Variants in PDE8B observed in about 807,000 individuals in gnomAD.
PDE8B encodes the protein phosphodiesterase 8B, also known as high affinity cAMP-specific and IBMX-insensitive 3',5'-cyclic phosphodiesterase 8B.
PDE8B carries 26 observed loss-of-function variants against 101.3 expected under a neutral mutation model. The observed-to-expected ratio is 0.26, with a 90% confidence interval of 0.19 to 0.36. PDE8B has a LOEUF of 0.36. PDE8B is among the 10% of genes least tolerant of loss of function. The probability of loss-of-function intolerance (pLI) is 1.00; values close to 1 mark genes in which losing one functional copy is unlikely to be tolerated. For missense variants in PDE8B, 810 were observed against 1,163.1 expected, an observed-to-expected ratio of 0.70 and a Z score of 4.42; for synonymous variants, 424 against 429.3, an observed-to-expected ratio of 0.99 and a Z score of 0.15.
intron 1 of PDE8B, among the ~76,000 whole-genome samples, chr5:77,310,786 A>G (rs747886989): frequency 6.6e-6 from 1 of 152,110 alleles, no homozygotes; most frequent in Non-Finnish European, 1.5e-5. Flanking sequence ...AGCGCCCTGC[A>G]TGAGTTCTTT....
At chr5:77,370,928 T>G (rs1396966689) in intron 10 of PDE8B, among the ~76,000 whole-genome samples, 1 of 152,206 alleles carries the variant, frequency 6.6e-6, no homozygotes, top group Non-Finnish European at 1.5e-5. Context: ...CTATTGGTCT[T>G]TTTTAAATGT....
chr5:77,091,725 T>A, the PDE8B span, among the ~76,000 whole-genome samples: 1 of 152,214 alleles, frequency 6.6e-6, no homozygotes, highest in African/African-American at 2.4e-5. Flanking sequence ...CTCTAATTCA[T>A]GTTTCAATAT....
chr5:77,261,434 G>A (rs1339479710), intron 1 of PDE8B, among the ~76,000 whole-genome samples: 1 of 152,216 alleles, frequency 6.6e-6, no homozygotes, highest in African/African-American at 2.4e-5. Context: ...TTGCTTGACA[G>A]CAGTTGAAGA....
chr5:77,225,695 T>C (rs2149456767), intron 1 of PDE8B, among the ~76,000 whole-genome samples: 1 of 152,186 alleles, frequency 6.6e-6, no homozygotes, highest in East Asian at 1.9e-4. Context: ...GTACCGTGAG[T>C]GTATACTTAT....
At chr5:77,149,402 C>T in the PDE8B span, among the ~76,000 whole-genome samples, 125 of 152,216 alleles carry the variant, frequency 8.2e-4, 1 homozygote, top group African/African-American at 2.7e-3. Flanking sequence ...TACAAAAATG[C>T]TTGCTGGAGT....
At chr5:77,412,437 G>A (rs1561675839) in intron 16 of PDE8B, among the ~76,000 whole-genome samples, 1 of 152,170 alleles carries the variant, frequency 6.6e-6, no homozygotes, top group Admixed American at 6.5e-5. Flanking sequence ...TTAGTAAGAT[G>A]TGGGATCTGC....
intron 20 of PDE8B, among the ~76,000 whole-genome samples, chr5:77,422,699 G>A (rs1298255490): frequency 6.6e-6 from 1 of 151,804 alleles, no homozygotes; most frequent in Non-Finnish European, 1.5e-5. Flanking sequence ...CCTACTTCCA[G>A]AGAAGAGACT....
chr5:77,146,642 G>A, the PDE8B span: 5 of 280,824 alleles, frequency 1.8e-5, no homozygotes, highest in Non-Finnish European at 2.8e-5. Context: ...TTGTCAGGAG[G>A]CGCATAAGAA....
chr5:77,141,898 T>G, the PDE8B span: 8 of 152,186 alleles, frequency 5.3e-5, no homozygotes, highest in African/African-American at 1.9e-4. Flanking sequence ...AGGATATGAA[T>G]TGTTATAATG....
chr5:77,285,526 C>T (rs930571432), intron 1 of PDE8B, among the ~76,000 whole-genome samples: 3 of 152,026 alleles, frequency 2.0e-5, no homozygotes, highest in Non-Finnish European at 4.4e-5. Flanking sequence ...TTTCTCGGGC[C>T]GCTTTTGTCT....
At chr5:77,165,208 C>T in the PDE8B span, among the ~76,000 whole-genome samples, 1 of 152,054 alleles carries the variant, frequency 6.6e-6, no homozygotes, top group Non-Finnish European at 1.5e-5. Context: ...TAAGAGAAAG[C>T]GTAATAAAAT....
chr5:77,210,698 G>T lies in PDE8B; in HGVS notation c.-228G>T. On this transcript the variant is annotated 5_prime_UTR_variant, in exon 1 of 22. Coordinates refer to ENST00000264917, the MANE Select transcript of PDE8B (RefSeq NM_003719.5). This position sits in a 1 kb window ranked among gnomAD's most constrained non-coding sequence, Gnocchi z 4.9. ...GGGCGCTGTGTATGCGCGCTCCCCC[G>T]CTCGGGGAGGAAGATGGCCCAAAAG... The T allele has an allele frequency of 1.0e-6, 1 of 980,826 alleles. No homozygotes were observed. The highest frequency in any genetic ancestry group is 1.2e-6 in the Non-Finnish European group (1 of 827,878). 60.8% of individuals were successfully genotyped at this position (980,826 alleles called of 1,614,324 possible). A position where few individuals can be genotyped will look rare whatever the true frequency, so the allele number is the denominator to read the frequency against.
rs542623156 is a variant in PDE8B at position 77,291,111 on chromosome 5, G to A, written c.340-20883G>A. 10 of 1,611,186 alleles carry A rather than the reference G, an allele frequency of 6.2e-6. No homozygotes were observed. In the South Asian group the frequency reaches 1.1e-4, roughly 18 times the overall value. ...TACCATTATTGCCTTTGAAGATGCA[G>A]ACCTCAGCTTAGTTGTTCCATCAGC... On this transcript the variant is annotated intron_variant, in intron 1 of 21. Transcript: ENST00000264917.
chr5:77,406,146 T>C (rs1793388226), intron 12 of PDE8B, among the ~76,000 whole-genome samples: 1 of 151,900 alleles, frequency 6.6e-6, no homozygotes, highest in Admixed American at 6.6e-5. Flanking sequence ...ATTAGCTGGG[T>C]GTGATGACGC....
At chr5:77,097,689 A>ATATCTATC in the PDE8B span, among the ~76,000 whole-genome samples, 5 of 23,268 alleles carry the variant, frequency 2.1e-4, no homozygotes, top group African/African-American at 5.6e-4. Context: ...GAGATTTTAT[A>ATATCTATC]TATCTATATA....
chr5:77,332,876 G>GCCA (rs1777413590), intron 5 of PDE8B, among the ~76,000 whole-genome samples: 4 of 151,574 alleles, frequency 2.6e-5, no homozygotes, highest in Admixed American at 6.6e-5. Context: ...ATCCCAAGTA[G>GCCA]GTGGAGTGAT....
At chr5:77,357,585 T>C (rs903731024) in intron 10 of PDE8B, among the ~76,000 whole-genome samples, 1 of 152,198 alleles carries the variant, frequency 6.6e-6, no homozygotes, top group African/African-American at 2.4e-5. Flanking sequence ...AGGTCCTGGA[T>C]CATGGGCCTT....
chr5:77,358,066 G>C (rs1353174996), intron 10 of PDE8B, among the ~76,000 whole-genome samples: 2 of 152,114 alleles, frequency 1.3e-5, no homozygotes, highest in African/African-American at 4.8e-5. Flanking sequence ...CCTTTCTAGG[G>C]GTGGTGTGGC....
chr5:77,386,374 G>A (rs1788624424), intron 10 of PDE8B, among the ~76,000 whole-genome samples: 2 of 152,062 alleles, frequency 1.3e-5, no homozygotes, highest in African/African-American at 4.8e-5. Context: ...ATTGACAGTG[G>A]GGCGTTAAAG....
Sources: allele counts gnomAD v4.1 joint callset (sites outside exome capture counted in the v4.1 genomes callset), GRCh38; gene constraint gnomAD v4.1.1; non-coding constraint Gnocchi (gnomAD v3.1); transcripts MANE v1.5; gene names NCBI Gene and HGNC (gene_info 2026-07-23, HGNC 2026-07-21).